The following L3MBTL4 variants were observed in gnomAD, a reference collection of about 807,000 sequenced individuals.
L3MBTL4 encodes the protein L3MBTL histone methyl-lysine binding protein 4.
A neutral mutation model predicts 84.5 loss-of-function variants in L3MBTL4; 70 were observed. The ratio of observed to expected loss-of-function variants is 0.83; its 90% confidence interval spans 0.68 to 1.01. The LOEUF (loss-of-function observed/expected upper bound fraction) is 1.01, where lower values mean the gene tolerates loss of function less well. Ranked by LOEUF, L3MBTL4 falls within the 50% of genes least tolerant of loss-of-function variation. L3MBTL4 has a pLI of 0.00. For synonymous variants in L3MBTL4, 274 were observed against 259.8 expected, an observed-to-expected ratio of 1.05 and a Z score of -0.52; for missense variants, 715 against 754.8, an observed-to-expected ratio of 0.95 and a Z score of 0.62.
chr18:6,012,836 T>C (rs984770624), intron 16 of L3MBTL4, among the ~76,000 whole-genome samples: 3 of 152,124 alleles, frequency 2.0e-5, no homozygotes, highest in Admixed American at 6.5e-5. Flanking sequence ...GTGCAGTTTC[T>C]TGTGGGTCTG....
chr18:6,373,284 T>C (rs548638726), intron 1 of L3MBTL4, among the ~76,000 whole-genome samples: 4 of 152,282 alleles, frequency 2.6e-5, no homozygotes, highest in African/African-American at 9.6e-5. Context: ...TGAAACAAAG[T>C]AGTCTTTTAT....
At chr18:6,228,406 A>C (rs2046863183) in intron 10 of L3MBTL4, among the ~76,000 whole-genome samples, 1 of 152,204 alleles carries the variant, frequency 6.6e-6, no homozygotes, top group Admixed American at 6.5e-5. Flanking sequence ...GCATCATCAA[A>C]ATTTTTAAAA....
At chr18:6,364,679 G>A (rs993404395) in intron 1 of L3MBTL4, among the ~76,000 whole-genome samples, 29 of 151,936 alleles carry the variant, frequency 1.9e-4, no homozygotes, top group Non-Finnish European at 2.8e-4. Flanking sequence ...ACACATAAGC[G>A]TAATCAAAAT....
chr18:6,340,854 C>A lies in L3MBTL4; in HGVS notation c.-90-28798G>T, dbSNP rs151194579. 1.4e-3 allele frequency among the ~76,000 whole-genome samples: 217 copies of A among 152,256 alleles called. 1 individual carries two copies. The highest frequency in any genetic ancestry group is 5.1e-3 in the African/African-American group (210 of 41,546). On this transcript the variant is annotated intron_variant, in intron 1 of 18. Coordinates refer to ENST00000317931, the MANE Select transcript of L3MBTL4 (RefSeq NM_001330559.2). Reference sequence around the variant, plus strand: ...AGCACACACATCTCAACAGTAGGTGCAGATCTTAGCAGCCAATCCAACTCT... The same window carrying A: ...AGCACACACATCTCAACAGTAGGTGAAGATCTTAGCAGCCAATCCAACTCT...
intron 14 of L3MBTL4, among the ~76,000 whole-genome samples, chr18:6,125,744 G>A (rs2059673991): frequency 6.6e-6 from 1 of 152,162 alleles, no homozygotes; most frequent in Non-Finnish European, 1.5e-5. Flanking sequence ...TTTTAAGACA[G>A]TTATATATGC....
At chr18:6,002,596 A>G (rs968226960) in intron 16 of L3MBTL4, among the ~76,000 whole-genome samples, 10 of 152,246 alleles carry the variant, frequency 6.6e-5, no homozygotes, top group East Asian at 5.8e-4. Flanking sequence ...TGCTATTGAA[A>G]TTAAACGGGT....
Position 5,969,541 on chromosome 18 carries a change from T to G in L3MBTL4, c.1466A>C (p.Gln489Pro). 1 of 1,609,696 alleles carries G rather than the reference T, an allele frequency of 6.2e-7. No individual in the cohort carries two copies. Among genetic ancestry groups the G allele is most frequent in the Non-Finnish European group, 8.5e-7 (1 of 1,177,630 alleles). The change falls in exon 17 of 19, where the codon CAG becomes CCG. Residue 489 changes from glutamine to proline, a missense_variant. Gln to Pro is a moderately conservative substitution (Grantham distance 76). Transcript: ENST00000317931. ...GGACACTGACTGGTGAAGCACCTGC[T>G]GCGCCTGCTCCACCGAGTATTCTGT... ...LFREYSVEQA[Q>P]QVLHQSVSMS...
intron 12 of L3MBTL4, among the ~76,000 whole-genome samples, chr18:6,190,893 CA>C (rs1158531871): frequency 6.6e-6 from 1 of 152,006 alleles, no homozygotes; most frequent in African/African-American, 2.4e-5. Flanking sequence ...AGGGAACAGC[CA>C]GAGTAGAGAT....
intron 16 of L3MBTL4, among the ~76,000 whole-genome samples, chr18:6,064,990 C>T (rs1452133891): frequency 6.6e-6 from 1 of 151,876 alleles, no homozygotes. Context: ...GTGGGTTTAC[C>T]TTATATGGCT....
chr18:6,128,582 A>T (rs933156011), intron 14 of L3MBTL4, among the ~76,000 whole-genome samples: 1 of 152,184 alleles, frequency 6.6e-6, no homozygotes, highest in Non-Finnish European at 1.5e-5. Flanking sequence ...AACGGTAAAC[A>T]TAACATGGAA....
chr18:6,354,712 A>C (rs1393580481), intron 1 of L3MBTL4, among the ~76,000 whole-genome samples: 1 of 152,166 alleles, frequency 6.6e-6, no homozygotes. Flanking sequence ...GAGAAATGTA[A>C]ATCAAAACTA....
At chr18:6,170,452 G>A (rs964845028) in intron 13 of L3MBTL4, among the ~76,000 whole-genome samples, 2 of 152,212 alleles carry the variant, frequency 1.3e-5, no homozygotes, top group Non-Finnish European at 2.9e-5. Context: ...TGAGGAAGGG[G>A]TCAAGAGGGA....
chr18:6,352,043 C>T (rs1692794578), intron 1 of L3MBTL4, among the ~76,000 whole-genome samples: 1 of 152,080 alleles, frequency 6.6e-6, no homozygotes, highest in South Asian at 2.1e-4. Flanking sequence ...GGGTATTATA[C>T]TAATAGCTGC....
chr18:5,956,313 T>C lies in L3MBTL4; in HGVS notation c.1752A>G (p.Pro584=), dbSNP rs765820869. ...GGATAGAGTTGTAAATCTTCAGTGC[T>C]GGGCCCAGTTTGATCTTCATCACTT... ...IVKVMKIKLG[P]ALKIYNSILM... The change falls in exon 19 of 19, where the codon CCA becomes CCG. Residue 584 remains proline, a synonymous_variant. Coordinates refer to ENST00000317931, the MANE Select transcript of L3MBTL4 (RefSeq NM_001330559.2). The C allele has an allele frequency of 1.1e-5, 17 of 1,614,080 alleles. No homozygotes were observed. Among genetic ancestry groups the C allele is most frequent in the Admixed American group, 3.3e-5 (2 of 60,012 alleles).
chr18:6,203,942 G>T (rs1020135818), intron 12 of L3MBTL4, among the ~76,000 whole-genome samples: 13 of 152,164 alleles, frequency 8.5e-5, no homozygotes, highest in Non-Finnish European at 4.4e-5. Flanking sequence ...CCTAAGCCTG[G>T]GCATGAAATC....
chr18:6,017,159 C>G (rs1027725171), intron 16 of L3MBTL4, among the ~76,000 whole-genome samples: 1 of 152,214 alleles, frequency 6.6e-6, no homozygotes, highest in Non-Finnish European at 1.5e-5. Flanking sequence ...AAAATGGCCA[C>G]AAGCATTCAG....
At chr18:6,383,183 G>A (rs567634577) in intron 1 of L3MBTL4, among the ~76,000 whole-genome samples, 171 of 152,156 alleles carry the variant, frequency 1.1e-3, no homozygotes, top group African/African-American at 3.9e-3. Flanking sequence ...AGTGTCTCAG[G>A]TCGACCTCAG....
At chr18:5,996,004 G>A (rs1212287222) in intron 16 of L3MBTL4, among the ~76,000 whole-genome samples, 1 of 152,212 alleles carries the variant, frequency 6.6e-6, no homozygotes, top group African/African-American at 2.4e-5. Context: ...TGTGGCTGCA[G>A]TATTGATAAC....
chr18:6,148,471 G>T (rs1454510819), intron 13 of L3MBTL4, among the ~76,000 whole-genome samples: 1 of 152,138 alleles, frequency 6.6e-6, no homozygotes, highest in South Asian at 2.1e-4. Flanking sequence ...TATCACCCAG[G>T]CTGGACTGCG....
Sources: gnomAD v4.1 joint callset for allele counts (sites outside exome capture counted in the v4.1 genomes callset) on GRCh38, gnomAD v4.1.1 for gene constraint, MANE v1.5 for transcripts, NCBI Gene and HGNC (gene_info 2026-07-23, HGNC 2026-07-21) for gene names.